Variants in KLHL30 observed in about 807,000 individuals in gnomAD.
KLHL30 encodes kelch-like protein 30.
A neutral mutation model predicts 55.0 loss-of-function variants in KLHL30; 55 were observed. That is an observed-to-expected ratio of 1.00 (90% confidence interval 0.80 to 1.25). KLHL30 has a LOEUF of 1.25. KLHL30 is among the 50% of genes most tolerant of loss of function. The pLI is 0.00. For missense variants in KLHL30, 786 were observed against 811.6 expected, an observed-to-expected ratio of 0.97 and a Z score of 0.38; for synonymous variants, 356 against 372.6, an observed-to-expected ratio of 0.96 and a Z score of 0.51.
At chr2:238,146,143 C>T (rs1456280621) in intron 5 of KLHL30, among the ~76,000 whole-genome samples, 5 of 152,066 alleles carry the variant, frequency 3.3e-5, no homozygotes, top group Admixed American at 6.5e-5. Context: ...CCAGTGGGGA[C>T]GGCCACACCC....
chr2:238,145,953 C>T (rs971587571), intron 5 of KLHL30, 121 bp downstream of exon 5: 2 of 1,190,658 alleles, frequency 1.7e-6, no homozygotes, highest in Non-Finnish European at 2.3e-6. Context: ...CCCACTGCCA[C>T]CCTCAGGGCT....
chr2:238,146,879 A>T (rs1422419715), intron 5 of KLHL30, among the ~76,000 whole-genome samples: 1 of 151,530 alleles, frequency 6.6e-6, no homozygotes. Flanking sequence ...AATTAGCTGG[A>T]CATGTAATCC....
In KLHL30 at chr2:238,151,361, C is replaced by T. The variant is rs1692753475; in HGVS notation, c.*296C>T. On this transcript the variant is annotated 3_prime_UTR_variant, in exon 8 of 8. Coordinates refer to ENST00000409223, the MANE Select transcript of KLHL30 (RefSeq NM_198582.4). ...TTCCCGAGACCTCAGAGAGGGGAGC[C>T]GGGGGCCGGGCCAGCATTCCCAGAG... 8 of 473,002 alleles carry T rather than the reference C, an allele frequency of 1.7e-5. No homozygotes were observed. The highest frequency in any genetic ancestry group is 2.7e-5 in the Non-Finnish European group (7 of 264,080). 29.3% of individuals were successfully genotyped at this position (473,002 alleles called of 1,614,324 possible).
At chr2:238,148,221 C>T (rs995954807) in intron 6 of KLHL30, among the ~76,000 whole-genome samples, 199 bp downstream of exon 6, 8 of 152,020 alleles carry the variant, frequency 5.3e-5, no homozygotes, top group African/African-American at 1.4e-4. Flanking sequence ...GGACCCACTG[C>T]GTCAGCTCCG....
At chr2:238,144,432 A>AAGGAAGGAAGGAAGGCAGGC (rs1692608040) in intron 3 of KLHL30, among the ~76,000 whole-genome samples, 38 of 82,428 alleles carry the variant, frequency 4.6e-4, no homozygotes, top group South Asian at 1.7e-3. Flanking sequence ...GGAAGGAAGG[A>AAGGAAGGAAGGAAGGCAGGC]AGGCAGGCAG....
rs560500748 is a variant in KLHL30, at chr2:238,152,901, T to C, written c.*1836T>C. 2 of 152,364 alleles carry C rather than the reference T, an allele frequency of 1.3e-5. No homozygotes were observed. Among genetic ancestry groups the C allele is most frequent in the African/African-American group, 4.8e-5 (2 of 41,588 alleles). The allele number at this position is 152,364 out of a possible 1,614,324, so 9.4% of individuals were successfully genotyped here. A position where few individuals can be genotyped will look rare whatever the true frequency, so the allele number is the denominator to read the frequency against. On this transcript the variant is annotated 3_prime_UTR_variant, in exon 8 of 8. Coordinates refer to ENST00000409223, the MANE Select transcript of KLHL30 (RefSeq NM_198582.4). The stretch of plus-strand genomic sequence containing the variant: ...TCCATGTAAACCATTTCTGCAAGAA[T>C]ATTTTAAAATAAATAAAAATAAAAC...
intron 1 of KLHL30, among the ~76,000 whole-genome samples, chr2:238,140,252 C>T (rs913589234): frequency 6.6e-6 from 1 of 152,196 alleles, no homozygotes; most frequent in Non-Finnish European, 1.5e-5. Flanking sequence ...GGGAGCACCG[C>T]GGGAGCAGGA....
chr2:238,150,267 C>T (rs1692727195), intron 7 of KLHL30, among the ~76,000 whole-genome samples: 1 of 152,180 alleles, frequency 6.6e-6, no homozygotes, highest in Non-Finnish European at 1.5e-5. Context: ...CTGGAGGCCA[C>T]AGACCGGCCT....
chr2:238,146,817 C>T (rs1692656145), intron 5 of KLHL30, among the ~76,000 whole-genome samples: 2 of 151,790 alleles, frequency 1.3e-5, no homozygotes, highest in Non-Finnish European at 2.9e-5. Context: ...GCCAGGAGTT[C>T]AAGACCAGCC....
chr2:238,143,017 T>G (rs1051743091), intron 3 of KLHL30, 86 bp downstream of exon 3: 24 of 1,396,930 alleles, frequency 1.7e-5, no homozygotes, highest in Non-Finnish European at 2.0e-5. Context: ...GTGGAGCGCA[T>G]GAGGCTCGCA....
In KLHL30 at chr2:238,142,739, G is replaced by A. The variant is rs368791362; in HGVS notation, c.775-60G>A. 80 of 1,335,834 alleles carry A rather than the reference G, an allele frequency of 6.0e-5. 1 individual carries two copies. The highest frequency in any genetic ancestry group is 1.9e-4 in the African/African-American group (12 of 64,844). 82.7% of individuals were successfully genotyped at this position (1,335,834 alleles called of 1,614,324 possible). On this transcript the variant is annotated intron_variant, in intron 2 of 7. Coordinates refer to ENST00000409223, the MANE Select transcript of KLHL30 (RefSeq NM_198582.4). ...ATGCTGAGGCCTGCCCAGGACACGCGGGGGCTCAGGGCATGGGGACACATT... is the reference window on the plus strand; with the variant it reads ...ATGCTGAGGCCTGCCCAGGACACGCAGGGGCTCAGGGCATGGGGACACATT...
chr2:238,144,774 C>T (rs1050190301), intron 3 of KLHL30, 128 bp from the exon 4 acceptor site: 1 of 729,874 alleles, frequency 1.4e-6, no homozygotes, highest in Admixed American at 2.1e-5. Context: ...CCTGCCCCTC[C>T]CTTTCCCCAC....
intron 2 of KLHL30, 115 bp downstream of exon 2, chr2:238,141,643 G>T (rs1289979335): frequency 1.7e-6 from 2 of 1,177,556 alleles, no homozygotes; most frequent in Non-Finnish European, 2.3e-6. Flanking sequence ...CTCTGACCTT[G>T]CCACGCTCCT....
chr2:238,149,094 T>TTGGGG lies in KLHL30; in HGVS notation c.1428_1432dup (p.Asp478ValfsTer42). ...GCACTGCACGGGGAGCTCTACCTCA[T>TTGGGG]TGGGGACAACACCAAGAAGGTCTAC... On this transcript the variant is annotated frameshift_variant, in exon 7 of 8. Coordinates refer to ENST00000409223, the MANE Select transcript of KLHL30 (RefSeq NM_198582.4). LOFTEE classifies it high-confidence loss of function. 1 of 1,613,204 alleles carries TTGGGG rather than the reference T, an allele frequency of 6.2e-7. No homozygotes were observed. Among genetic ancestry groups the TTGGGG allele is most frequent in the South Asian group, 1.1e-5 (1 of 91,086 alleles).
chr2:238,141,069 G>A lies in KLHL30; in HGVS notation c.315G>A (p.Ala105=), dbSNP rs757143339. The change falls in exon 2 of 8, where the codon GCG becomes GCA. Residue 105 remains alanine (A), a synonymous_variant. Transcript: ENST00000409223. ...RLTITQGNVE[A]LTRTAARLHF... is the part of the protein sequence containing the mutation. The stretch of plus-strand genomic sequence containing the variant: ...CCATCACGCAGGGCAACGTGGAGGC[G>A]CTGACACGCACGGCTGCGCGCCTGC... 8.1e-6 allele frequency: 13 copies of A among 1,610,278 alleles called. No individual in the cohort carries two copies. Among genetic ancestry groups the A allele is most frequent in the African/African-American group, 4.0e-5 (3 of 74,894 alleles).
chr2:238,139,438 C>T (rs1202541182), intron 1 of KLHL30, among the ~76,000 whole-genome samples: 3 of 152,196 alleles, frequency 2.0e-5, no homozygotes, highest in Admixed American at 6.5e-5. Flanking sequence ...CTTCGTGTAC[C>T]GGCCGGGATG....
In KLHL30 at chr2:238,144,422, G is replaced by GGAAGGAATGAAGGAAGGAAT. The variant is rs1559275975; in HGVS notation, c.908-473_908-472insTGAAGGAAGGAATGAAGGAA. Among the ~76,000 whole-genome samples the GGAAGGAATGAAGGAAGGAAT allele has an allele frequency of 3.8e-5, 4 of 106,100 alleles. No homozygotes were observed. The South Asian group carries it at 1.1e-3, about 28-fold the overall frequency. 69.6% of individuals were successfully genotyped at this position (106,100 alleles called of 152,430 possible). A position where few individuals can be genotyped will look rare whatever the true frequency, so the allele number is the denominator to read the frequency against. On this transcript the variant is annotated intron_variant, in intron 3 of 7. Transcript: ENST00000409223. ...AGGAAGGAAGGAAGGAAGGAAGGAA[G>GGAAGGAATGAAGGAAGGAAT]GAAGGAAGGAAGGCAGGCAGGCAGG...
Position 238,144,790 on chromosome 2 carries a change from AG to A in KLHL30, c.908-106del. 6.3e-6 allele frequency: 5 copies of A among 790,724 alleles called. No individual in the cohort carries two copies. The South Asian group carries it at 7.5e-5, about 12-fold the overall frequency. The allele number at this position is 790,724 out of a possible 1,614,324, so 49.0% of individuals were successfully genotyped here. A position where few individuals can be genotyped will look rare whatever the true frequency, so the allele number is the denominator to read the frequency against. On this transcript the variant is annotated intron_variant, in intron 3 of 7. Coordinates refer to ENST00000409223, the MANE Select transcript of KLHL30 (RefSeq NM_198582.4). ...CTGCCCCTCCCTTTCCCCACCAGTG[AG>A]GGGGGCATTTCTGCACCCGGTGCAT...
rs1314335072 is a variant in KLHL30 at position 238,144,770 on chromosome 2, C to G, written c.908-132C>G. The G allele has an allele frequency of 4.2e-6, 3 of 715,428 alleles. No homozygotes were observed. The African/African-American group carries it at 5.2e-5, about 12-fold the overall frequency. The allele number at this position is 715,428 out of a possible 1,614,324, so 44.3% of individuals were successfully genotyped here. On this transcript the variant is annotated intron_variant, in intron 3 of 7. Coordinates refer to ENST00000409223, the MANE Select transcript of KLHL30 (RefSeq NM_198582.4). Reference sequence around the variant, plus strand: ...GCCCCCGTACCAGTGTCACCCTGCCCCTCCCTTTCCCCACCAGTGAGGGGG... The same window carrying G: ...GCCCCCGTACCAGTGTCACCCTGCCGCTCCCTTTCCCCACCAGTGAGGGGG...
Sources: allele counts gnomAD v4.1 joint callset (sites outside exome capture counted in the v4.1 genomes callset), GRCh38; gene constraint gnomAD v4.1.1; transcripts MANE v1.5; gene names NCBI Gene and HGNC (gene_info 2026-07-23, HGNC 2026-07-21).